CFAP61: variants seen among roughly 807,000 people sequenced by gnomAD.
CFAP61 encodes the protein cilia and flagella associated protein 61, also known as cilia- and flagella-associated protein 61.
A neutral mutation model predicts 135.6 loss-of-function variants in CFAP61; 107 were observed. That is an observed-to-expected ratio of 0.79 (90% CI 0.67 to 0.93). The LOEUF is 0.93. CFAP61 is among the 40% of genes least tolerant of loss of function. The pLI, the probability that CFAP61 is intolerant of heterozygous loss-of-function variation, is 0.00. For missense variants in CFAP61, 1,507 were observed against 1,556.2 expected (o/e 0.97, Z 0.53); for synonymous variants, 575 against 578.5 (o/e 0.99, Z 0.09).
intron 8 of CFAP61, among the ~76,000 whole-genome samples, chr20:20,114,424 T>C (rs2048999184): frequency 6.6e-6 from 1 of 152,228 alleles, no homozygotes; most frequent in African/African-American, 2.4e-5. Context: ...ATTTATTTAT[T>C]GAAGGATAAT....
intron 22 of CFAP61, among the ~76,000 whole-genome samples, chr20:20,285,418 C>G (rs117071971): frequency 0.022 from 3,279 of 152,142 alleles, 65 homozygotes; most frequent in Middle Eastern, 0.034. Context: ...TCCTGGGATT[C>G]CAATTACATA....
chr20:20,158,339 G>C (rs1243938546), intron 9 of CFAP61, among the ~76,000 whole-genome samples: 1 of 120,008 alleles, frequency 8.3e-6, no homozygotes, highest in Non-Finnish European at 1.7e-5. Context: ...ATTACACCAA[G>C]TGGACCTTTG....
chr20:20,224,068 G>C (rs187269035), intron 17 of CFAP61, among the ~76,000 whole-genome samples: 1 of 152,272 alleles, frequency 6.6e-6, no homozygotes, highest in East Asian at 1.9e-4. Flanking sequence ...AAATTGTTCA[G>C]CTAAAATACA....
chr20:20,270,840 TTG>T (rs1314398748), intron 21 of CFAP61, among the ~76,000 whole-genome samples: 3 of 152,070 alleles, frequency 2.0e-5, no homozygotes, highest in African/African-American at 7.2e-5. Context: ...CAACTAATTT[TTG>T]TGTGTTTTTA....
intron 9 of CFAP61, 42 bp from the exon 10 acceptor site, chr20:20,159,328 A>C (rs1180782044): frequency 1.3e-6 from 2 of 1,583,816 alleles, no homozygotes; most frequent in South Asian, 2.2e-5. Flanking sequence ...AAACCACTGT[A>C]GGTGTCGATT....
chr20:20,182,962 AAAGG>A (rs1209751193), intron 13 of CFAP61, among the ~76,000 whole-genome samples: 1 of 152,172 alleles, frequency 6.6e-6, no homozygotes, highest in South Asian at 2.1e-4. Context: ...TTTATCCAGA[AAAGG>A]AAGGAGCTAG....
At chr20:20,289,250 G>T (rs528876162) in intron 23 of CFAP61, among the ~76,000 whole-genome samples, 1 of 152,322 alleles carries the variant, frequency 6.6e-6, no homozygotes, top group East Asian at 1.9e-4. Context: ...GCTGGAAAAT[G>T]ATGGTTTGCC....
Position 20,169,361 on chromosome 20 carries a change from C to G in CFAP61, c.1286C>G (p.Pro429Arg). The G allele has an allele frequency of 6.2e-7, 1 of 1,613,768 alleles. No individual in the cohort carries two copies. The highest frequency in any genetic ancestry group is 8.5e-7 in the Non-Finnish European group (1 of 1,179,894). The change falls in exon 13 of 27, where the codon CCC (proline) becomes CGC (arginine). Residue 429 changes from proline to arginine, a missense_variant. By Grantham distance (103) the Pro-to-Arg change is moderately radical. Coordinates refer to ENST00000245957, the MANE Select transcript of CFAP61 (RefSeq NM_015585.4). Reference protein sequence around the residue: ...FCVISLPHLTPEFFLIQNFVK... With the variant: ...FCVISLPHLTREFFLIQNFVK... ...GTAATTTCTCTGCCCCATCTCACCC[C>G]CGAGTTCTTCCTCATCCAGAACTTC...
At chr20:20,170,049 G>A (rs1037536996) in intron 13 of CFAP61, among the ~76,000 whole-genome samples, 3 of 152,206 alleles carry the variant, frequency 2.0e-5, no homozygotes, top group Non-Finnish European at 4.4e-5. Flanking sequence ...GCCTTTTCAA[G>A]GCTTATGGAC....
At position 20,199,813 on chromosome 20, in the gene CFAP61, T is replaced by C; in HGVS notation, c.1843T>C (p.Leu615=). The part of the protein sequence containing the change: ...AHSLTSALHY[L]VPVRPRRQIV... ...CTCCCTGACATCTGCCCTTCATTAC[T>C]TGGTTCCCGTGCGACCACGACGACA... The change falls in exon 17 of 27, where the codon TTG becomes CTG. Residue 615 remains leucine, a synonymous_variant. Coordinates refer to ENST00000245957, the MANE Select transcript of CFAP61 (RefSeq NM_015585.4). The C allele has an allele frequency of 1.2e-6, 2 of 1,614,168 alleles. No homozygotes were observed. Among genetic ancestry groups the C allele is most frequent in the Non-Finnish European group, 1.7e-6 (2 of 1,180,012 alleles).
At chr20:20,063,329 T>C (rs6046586) in intron 2 of CFAP61, among the ~76,000 whole-genome samples, 94,044 of 151,978 alleles carry the variant, frequency 0.62, 29,474 homozygotes, top group East Asian at 0.94. Context: ...ATGAAATTAA[T>C]GTTCATGCCT....
chr20:20,144,625 G>A (rs569565483), intron 9 of CFAP61, among the ~76,000 whole-genome samples: 25 of 151,240 alleles, frequency 1.7e-4, no homozygotes, highest in Admixed American at 9.9e-4. Context: ...AAACACATTC[G>A]AAGAAATAAT....
intron 26 of CFAP61, among the ~76,000 whole-genome samples, chr20:20,344,061 C>A (rs2058547950): frequency 1.3e-5 from 2 of 152,194 alleles, no homozygotes; most frequent in African/African-American, 2.4e-5. Flanking sequence ...AGAAAAAAAT[C>A]TCCACTGGAG....
chr20:20,125,791 C>T (rs2050025193), intron 8 of CFAP61, among the ~76,000 whole-genome samples: 1 of 151,558 alleles, frequency 6.6e-6, no homozygotes. Context: ...GTCTTGATGA[C>T]CTGTCCAGTG....
At chr20:20,141,064 G>GT (rs2051361708) in intron 8 of CFAP61, among the ~76,000 whole-genome samples, 2 of 152,086 alleles carry the variant, frequency 1.3e-5, no homozygotes, top group South Asian at 4.2e-4. Flanking sequence ...GATTACAGGT[G>GT]TGCACCACCA....
intron 10 of CFAP61, among the ~76,000 whole-genome samples, chr20:20,161,856 C>T (rs1236451188): frequency 6.6e-6 from 1 of 152,088 alleles, no homozygotes; most frequent in Non-Finnish European, 1.5e-5. Flanking sequence ...GAGGAATCCA[C>T]AGCCCCTCCT....
intron 25 of CFAP61, among the ~76,000 whole-genome samples, chr20:20,312,941 A>G (rs1416884315): frequency 6.6e-6 from 1 of 152,162 alleles, no homozygotes; most frequent in Non-Finnish European, 1.5e-5. Context: ...GTTATTCTGT[A>G]TCTCATTATT....
chr20:20,334,328 TC>T (rs1192583812), intron 25 of CFAP61, among the ~76,000 whole-genome samples: 1 of 152,148 alleles, frequency 6.6e-6, no homozygotes, highest in African/African-American at 2.4e-5. Context: ...GGTTTCGCCA[TC>T]TTGGCCAGGC....
intron 1 of CFAP61, chr20:20,052,858 C>G (rs2043858154): frequency 2.5e-6 from 2 of 806,172 alleles, no homozygotes; most frequent in Admixed American, 5.8e-5. Flanking sequence ...TCGAGCATTG[C>G]ATTCTAGTAG....
Sources: gnomAD v4.1 joint callset for allele counts (sites outside exome capture counted in the v4.1 genomes callset) on GRCh38, gnomAD v4.1.1 for gene constraint, MANE v1.5 for transcripts, NCBI Gene and HGNC (gene_info 2026-07-23, HGNC 2026-07-21) for gene names.